Variants in SAP130 observed in about 807,000 individuals in gnomAD.
The protein encoded by SAP130 is histone deacetylase complex subunit SAP130.
SAP130 carries 16 observed loss-of-function variants against 103.2 expected under a neutral mutation model. The ratio of observed to expected loss-of-function variants is 0.16; its 90% CI spans 0.10 to 0.24. SAP130 has a LOEUF of 0.24. Among genes scored for constraint, SAP130 ranks in the 10% least tolerant of loss-of-function variants. The pLI, the probability that SAP130 is intolerant of heterozygous loss-of-function variation, is 1.00. For synonymous variants in SAP130, 477 were observed against 497.0 expected (o/e 0.96, Z 0.53); for missense variants, 990 against 1,359.7 (o/e 0.73, Z 4.28).
chr2:128,027,926 C>A lies in SAP130; in HGVS notation c.-7+14G>T, dbSNP rs866697376. On this transcript the variant is annotated intron_variant, in intron 1 of 20. Coordinates refer to ENST00000643581, the MANE Select transcript of SAP130 (RefSeq NM_001330301.2). ...CTCCTCCCCTTCCCTCCCGGGCGCC[C>A]GTCCCGCCATTACCTGGGTGCTGCG... is the stretch of plus-strand genomic sequence containing the variant. 2.0e-6 allele frequency: 2 copies of A among 985,308 alleles called. No homozygotes were observed. Among genetic ancestry groups the A allele is most frequent in the African/African-American group, 3.5e-5 (2 of 57,186 alleles). 61.0% of individuals were successfully genotyped at this position (985,308 alleles called of 1,614,324 possible).
intron 2 of SAP130, among the ~76,000 whole-genome samples, chr2:128,021,412 A>G (rs1685146069): frequency 6.6e-6 from 1 of 151,050 alleles, no homozygotes; most frequent in South Asian, 2.1e-4. Context: ...GCGCCACTGC[A>G]CTACAGCCTG....
At position 127,989,797 on chromosome 2, in the gene SAP130, A is replaced by G. The variant is rs758157830; in HGVS notation, c.1547T>C (p.Leu516Pro). Residue 516 changes from leucine to proline, a missense_variant, in exon 13 of 21, where the codon CTA becomes CCA. Physicochemically the swap from Leu to Pro is moderately conservative, Grantham distance 98. Coordinates refer to ENST00000643581, the MANE Select transcript of SAP130 (RefSeq NM_001330301.2). The surrounding 1 kb of genome is among the most constrained non-coding windows in gnomAD (Gnocchi z 4.6). ...TGVGVASTVH[L>P]NPMQLMTVDA... ...CACTGTCATCAACTGCATGGGGTTT[A>G]GGTGGACGGTAGACGCTACCCCAAC... 1.2e-6 allele frequency: 2 copies of G among 1,614,238 alleles called. No individual in the cohort carries two copies. The highest frequency in any genetic ancestry group is 2.2e-5 in the East Asian group (1 of 44,886).
chr2:128,027,427 A>C, intron 1 of SAP130: 1 of 1,099,562 alleles, frequency 9.1e-7, no homozygotes. Context: ...ACTGCCAGCC[A>C]ATCAGGCGCG....
At chr2:127,988,989 A>G (rs1319896991) in intron 13 of SAP130, among the ~76,000 whole-genome samples, 1 of 152,238 alleles carries the variant, frequency 6.6e-6, no homozygotes, top group Admixed American at 6.5e-5. Context: ...GAAAATCTTC[A>G]ATGAGAATAC....
chr2:127,997,868 C>T (rs1389614070), intron 10 of SAP130, among the ~76,000 whole-genome samples: 1 of 152,160 alleles, frequency 6.6e-6, no homozygotes, highest in Non-Finnish European at 1.5e-5. Context: ...AATCCCAACA[C>T]TTTGGGAGGC....
intron 14 of SAP130, among the ~76,000 whole-genome samples, chr2:127,981,560 C>T (rs1373925563): frequency 6.1e-5 from 4 of 65,882 alleles, no homozygotes; most frequent in Admixed American, 1.6e-4. Context: ...TCCTGCACCC[C>T]TGACTCAGCT....
chr2:127,955,424 T>C lies in SAP130; in HGVS notation c.2064-80A>G. The C allele has an allele frequency of 1.1e-6, 1 of 895,404 alleles. No homozygotes were observed. Among genetic ancestry groups the C allele is most frequent in the East Asian group, 2.5e-5 (1 of 39,906 alleles). The allele number at this position is 895,404 out of a possible 1,614,324, so 55.5% of individuals were successfully genotyped here. On this transcript the variant is annotated intron_variant, in intron 15 of 20. Coordinates refer to ENST00000643581, the MANE Select transcript of SAP130 (RefSeq NM_001330301.2). The surrounding 1 kb of genome is among the most constrained non-coding windows in gnomAD (Gnocchi z 4.9). ...TACAACATCTCAGAGGATGAGTATTTGTCCAATTATTTCTGTCCAGCACAC... is the reference window on the plus strand; with the variant it reads ...TACAACATCTCAGAGGATGAGTATTCGTCCAATTATTTCTGTCCAGCACAC...
chr2:127,950,474 T>C, intron 16 of SAP130, 66 bp from the exon 17 acceptor site: 1 of 1,569,918 alleles, frequency 6.4e-7, no homozygotes, highest in Non-Finnish European at 8.7e-7. Flanking sequence ...TTCACTTCCT[T>C]CCTTCCAACA....
At chr2:128,015,860 G>T (rs564127564) in intron 4 of SAP130, among the ~76,000 whole-genome samples, 1 of 149,382 alleles carries the variant, frequency 6.7e-6, no homozygotes, top group Non-Finnish European at 1.5e-5. Flanking sequence ...AGAATGGCTC[G>T]AACACGGGAC....
chr2:127,996,831 C>T lies in SAP130; in HGVS notation c.1214-340G>A, dbSNP rs148045290. Among the ~76,000 whole-genome samples the T allele has an allele frequency of 7.0e-3, 1,065 of 152,122 alleles. 12 individuals carry two copies. Among genetic ancestry groups the T allele is most frequent in the African/African-American group, 0.022 (900 of 41,506 alleles). ...CTGTGGGAGGCTGAGGCGGGAGGAT[C>T]ACTTGAGTTCAGGAGTTCAAGGCTA... On this transcript the variant is annotated intron_variant, in intron 10 of 20. Transcript: ENST00000643581. The surrounding 1 kb of genome is among the most constrained non-coding windows in gnomAD (Gnocchi z 4.3).
At chr2:127,982,970 G>A (rs1573735965) in intron 14 of SAP130, among the ~76,000 whole-genome samples, 1 of 152,168 alleles carries the variant, frequency 6.6e-6, no homozygotes, top group African/African-American at 2.4e-5. Flanking sequence ...GGTCAGGAAG[G>A]CTCACTGAGC....
intron 15 of SAP130, among the ~76,000 whole-genome samples, chr2:127,976,023 T>G (rs893706290): frequency 6.6e-6 from 1 of 152,090 alleles, no homozygotes; most frequent in Non-Finnish European, 1.5e-5. Context: ...TTTTTGTGTG[T>G]TTTTAGTAGA....
chr2:127,981,036 G>A (rs1681830429), intron 14 of SAP130, among the ~76,000 whole-genome samples: 2 of 152,042 alleles, frequency 1.3e-5, no homozygotes, highest in African/African-American at 4.8e-5. Context: ...GGGAAAAGAT[G>A]TTGGTAACTG....
At position 127,953,977 on chromosome 2, in the gene SAP130, C is replaced by T. The variant is rs757623540; in HGVS notation, c.2422+1009G>A. Among the ~76,000 whole-genome samples, 12 of 152,200 alleles carry T rather than the reference C, an allele frequency of 7.9e-5. No homozygotes were observed. Among genetic ancestry groups the T allele is most frequent in the Non-Finnish European group, 1.8e-4 (12 of 68,036 alleles). ...AGAGGATAAAGCTGCATTTGTCTTA[C>T]ACAAAGTTGCATCGTCAGTGCCCAG... On this transcript the variant is annotated intron_variant, in intron 16 of 20. Coordinates refer to ENST00000643581, the MANE Select transcript of SAP130 (RefSeq NM_001330301.2). The surrounding 1 kb of genome is among the most constrained non-coding windows in gnomAD (Gnocchi z 4.0).
chr2:127,942,564 A>C lies in SAP130; in HGVS notation c.2902-27T>G. 7.4e-7 allele frequency: 1 copy of C among 1,357,000 alleles called. No homozygotes were observed. The highest frequency in any genetic ancestry group is 1.1e-6 in the Non-Finnish European group (1 of 946,798). The allele number at this position is 1,357,000 out of a possible 1,614,324, so 84.1% of individuals were successfully genotyped here. A position where few individuals can be genotyped will look rare whatever the true frequency, so the allele number is the denominator to read the frequency against. On this transcript the variant is annotated intron_variant, in intron 19 of 20. Coordinates refer to ENST00000643581, the MANE Select transcript of SAP130 (RefSeq NM_001330301.2). The surrounding 1 kb of genome is among the most constrained non-coding windows in gnomAD (Gnocchi z 4.8). ...TGCAACACACAAAAGGGAGGGTATC[A>C]TAAGCTCGGAAATATTTTTCTATGT...
intron 10 of SAP130, 64 bp downstream of exon 10, chr2:127,999,677 G>C: frequency 1.2e-6 from 1 of 804,078 alleles, no homozygotes; most frequent in Non-Finnish European, 1.9e-6. Flanking sequence ...TCACCATGAA[G>C]GCCTAGTCTG....
chr2:128,009,369 G>A (rs1323075299), intron 7 of SAP130, among the ~76,000 whole-genome samples: 3 of 152,152 alleles, frequency 2.0e-5, no homozygotes, highest in African/African-American at 7.2e-5. Context: ...TACTTGGGAG[G>A]CTGAGGCAAG....
chr2:128,000,450 G>T lies in SAP130; in HGVS notation c.874C>A (p.Pro292Thr). ...AHATDSALSR[P>T]TLSIQHPPSA... ...GGAGGATGCTGGATAGACAAGGTTG[G>T]CCTACTGAAAAGATAACAAAGACAC... The change falls in exon 8 of 21, where the codon CCA becomes ACA. Residue 292 changes from proline (P) to threonine (T), a missense_variant. By Grantham distance (38) the Pro-to-Thr change is conservative. This residue lies in a region of SAP130 where 336 missense variants were observed against 520.1 expected (regional missense o/e 0.65). Coordinates refer to ENST00000643581, the MANE Select transcript of SAP130 (RefSeq NM_001330301.2). The T allele has an allele frequency of 6.2e-7, 1 of 1,614,094 alleles. No homozygotes were observed. Among genetic ancestry groups the T allele is most frequent in the South Asian group, 1.1e-5 (1 of 91,080 alleles).
chr2:127,975,302 T>A (rs555257732), intron 15 of SAP130, among the ~76,000 whole-genome samples: 1 of 152,088 alleles, frequency 6.6e-6, no homozygotes, highest in Non-Finnish European at 1.5e-5. Flanking sequence ...TCAACCAAGA[T>A]GAAAATGCAA....
Sources: allele counts gnomAD v4.1 joint callset (sites outside exome capture counted in the v4.1 genomes callset), GRCh38; gene constraint gnomAD v4.1.1; regional missense constraint gnomAD v4.1.1; non-coding constraint Gnocchi (gnomAD v3.1); transcripts MANE v1.5; gene names NCBI Gene and HGNC (gene_info 2026-07-23, HGNC 2026-07-21).